Variants in IPMK observed in about 807,000 individuals in gnomAD.
IPMK encodes inositol 1,3,4,6-tetrakisphosphate 5-kinase.
Under a neutral mutation model 45.8 loss-of-function variants are expected in IPMK, and 17 were observed. That is an observed-to-expected ratio of 0.37 (90% CI 0.25 to 0.56). The LOEUF (loss-of-function observed/expected upper bound fraction) is 0.56, where lower values mean the gene tolerates loss of function less well. IPMK is among the 20% of genes least tolerant of loss of function. The pLI is 0.79. For synonymous variants in IPMK, 180 were observed against 184.3 expected (o/e 0.98, Z 0.19); for missense variants, 399 against 498.0 (o/e 0.80, Z 1.89).
intron 1 of IPMK, among the ~76,000 whole-genome samples, chr10:58,242,377 G>A (rs911554914): frequency 2.3e-4 from 34 of 150,954 alleles, no homozygotes; most frequent in African/African-American, 7.1e-4. Flanking sequence ...GGAGAATGGC[G>A]TGAACCCAGG....
intron 4 of IPMK, among the ~76,000 whole-genome samples, chr10:58,215,401 A>AG (rs1295825106): frequency 2.0e-5 from 2 of 98,682 alleles, no homozygotes; most frequent in African/African-American, 1.2e-4. Flanking sequence ...TTTTTTTGGT[A>AG]GGGGGGTGGC....
rs1837858775 is a variant in IPMK, at chr10:58,194,198, A to G, written c.*1878T>C. On this transcript the variant is annotated 3_prime_UTR_variant, in exon 6 of 6. Coordinates refer to ENST00000373935, the MANE Select transcript of IPMK (RefSeq NM_152230.5). Reference sequence around the variant, plus strand: ...GGTTGATATCATCCCATACAAAAAAAGCCTCAGTATCTTGTTAAGATTCAA... The same window carrying G: ...GGTTGATATCATCCCATACAAAAAAGGCCTCAGTATCTTGTTAAGATTCAA... 6.6e-6 allele frequency: 1 copy of G among 151,882 alleles called. No homozygotes were observed. The highest frequency in any genetic ancestry group is 2.4e-5 in the African/African-American group (1 of 41,440). 9.4% of individuals were successfully genotyped at this position (151,882 alleles called of 1,614,324 possible).
chr10:58,250,378 G>T (rs1336464857), intron 1 of IPMK, among the ~76,000 whole-genome samples: 1 of 152,026 alleles, frequency 6.6e-6, no homozygotes, highest in Non-Finnish European at 1.5e-5. Flanking sequence ...TTATTGTAAA[G>T]ATATTTCACT....
intron 1 of IPMK, among the ~76,000 whole-genome samples, chr10:58,260,826 G>A (rs1241021170): frequency 6.6e-6 from 1 of 152,074 alleles, no homozygotes; most frequent in African/African-American, 2.4e-5. Flanking sequence ...ACTCAATATT[G>A]CAAATAAATC....
chr10:58,248,587 A>C (rs1190990081), intron 1 of IPMK, among the ~76,000 whole-genome samples: 1 of 152,134 alleles, frequency 6.6e-6, no homozygotes, highest in Non-Finnish European at 1.5e-5. Flanking sequence ...GCTATTTTGA[A>C]ATATACATTT....
At position 58,240,851 on chromosome 10, in the gene IPMK, C is replaced by T. The variant is rs73297008; in HGVS notation, c.191-3037G>A. On this transcript the variant is annotated intron_variant, in intron 1 of 5. Coordinates refer to ENST00000373935, the MANE Select transcript of IPMK (RefSeq NM_152230.5). ...ACACTTGCAGCATTTTCTTCCAGGC[C>T]GTCAAGAAAAAGACTGGAGAGAGGC... Among the ~76,000 whole-genome samples, 570 of 151,990 alleles carry T rather than the reference C, an allele frequency of 3.8e-3. 1 individual carries two copies. Among genetic ancestry groups the T allele is most frequent in the African/African-American group, 0.013 (526 of 41,440 alleles).
Position 58,243,886 on chromosome 10 carries a change from C to T in IPMK, c.191-6072G>A, listed in dbSNP as rs948914659. On this transcript the variant is annotated intron_variant, in intron 1 of 5. Coordinates refer to ENST00000373935, the MANE Select transcript of IPMK (RefSeq NM_152230.5). ...GCCGCCCCATCTGGGAAGTGAGGAG[C>T]GCCTCTGCCCGGCCACCACCCCGTC... Among the ~76,000 whole-genome samples, 138 of 150,344 alleles carry T rather than the reference C, an allele frequency of 9.2e-4. 1 individual carries two copies. Among genetic ancestry groups the T allele is most frequent in the Middle Eastern group, 3.5e-3 (1 of 284 alleles).
intron 1 of IPMK, among the ~76,000 whole-genome samples, chr10:58,262,068 G>A (rs1285891029): frequency 6.6e-6 from 1 of 151,982 alleles, no homozygotes; most frequent in Admixed American, 6.6e-5. Context: ...ACAGGGCAGG[G>A]AACATCACAC....
intron 1 of IPMK, among the ~76,000 whole-genome samples, chr10:58,260,628 G>C (rs2132267437): frequency 6.6e-6 from 1 of 151,992 alleles, no homozygotes; most frequent in Non-Finnish European, 1.5e-5. Context: ...GTACTATTCT[G>C]GCATATTTTT....
intron 1 of IPMK, among the ~76,000 whole-genome samples, chr10:58,244,386 G>A (rs377747969): frequency 9.7e-5 from 10 of 102,584 alleles, no homozygotes; most frequent in African/African-American, 3.7e-4. Context: ...GCCTCTGCCC[G>A]GCCGCTCCTC....
chr10:58,262,301 G>A (rs1272004338), intron 1 of IPMK, among the ~76,000 whole-genome samples: 1 of 152,184 alleles, frequency 6.6e-6, no homozygotes, highest in Non-Finnish European at 1.5e-5. Context: ...TTCTGAAGTA[G>A]TATGGGTGTA....
intron 1 of IPMK, among the ~76,000 whole-genome samples, chr10:58,254,424 C>T (rs1274558291): frequency 1.3e-5 from 2 of 151,884 alleles, no homozygotes; most frequent in Admixed American, 6.6e-5. Flanking sequence ...CTTCTTATTT[C>T]GTTTCTGGAG....
At chr10:58,258,291 G>A (rs776627635) in intron 1 of IPMK, among the ~76,000 whole-genome samples, 21 of 149,800 alleles carry the variant, frequency 1.4e-4, no homozygotes, top group African/African-American at 5.0e-4. Context: ...GCCTGGCGAC[G>A]GAGCGAGATT....
At chr10:58,199,899 A>G (rs977536547) in intron 4 of IPMK, among the ~76,000 whole-genome samples, 1 of 152,192 alleles carries the variant, frequency 6.6e-6, no homozygotes, top group Non-Finnish European at 1.5e-5. Flanking sequence ...CTAAACACAA[A>G]TAACTCATTA....
At chr10:58,242,808 T>G (rs1030921826) in intron 1 of IPMK, among the ~76,000 whole-genome samples, 5 of 152,200 alleles carry the variant, frequency 3.3e-5, no homozygotes, top group Admixed American at 1.3e-4. Flanking sequence ...TGAATTGTAA[T>G]CCCCTGTGTT....
At chr10:58,242,930 TC>T (rs1217570455) in intron 1 of IPMK, among the ~76,000 whole-genome samples, 3 of 151,930 alleles carry the variant, frequency 2.0e-5, no homozygotes, top group African/African-American at 7.3e-5. Context: ...GTGTAGCACT[TC>T]CCCCTTCTCT....
chr10:58,196,849 G>T, intron 5 of IPMK, 151 bp from the exon 6 acceptor site: 1 of 619,558 alleles, frequency 1.6e-6, no homozygotes, highest in Non-Finnish European at 2.7e-6. Context: ...ATTCTAGTCA[G>T]ATATAGAAGT....
chr10:58,192,056 A>G lies in IPMK; in HGVS notation c.*4020T>C, dbSNP rs1159703712. ...AGCCTATAGTGACTTGTTTACTTGC[A>G]TAAATAATATTTTCACTTAGTACAG... On this transcript the variant is annotated 3_prime_UTR_variant, in exon 6 of 6. Transcript: ENST00000373935. The G allele has an allele frequency of 6.6e-6, 1 of 152,126 alleles. No individual in the cohort carries two copies. Among genetic ancestry groups the G allele is most frequent in the East Asian group, 1.9e-4 (1 of 5,202 alleles). 9.4% of individuals were successfully genotyped at this position (152,126 alleles called of 1,614,324 possible).
Position 58,196,369 on chromosome 10 carries a change from G to A in IPMK, c.958C>T (p.Arg320Cys), listed in dbSNP as rs759410890. 1.5e-5 allele frequency: 24 copies of A among 1,613,796 alleles called. No homozygotes were observed. Among genetic ancestry groups the A allele is most frequent in the East Asian group, 2.2e-5 (1 of 44,870 alleles). ...TTTTTTGTATATATTTTCCTGTGACGCGCATACATCTTGGACAAGCTTTTG... is the reference window on the plus strand; with the variant it reads ...TTTTTTGTATATATTTTCCTGTGACACGCATACATCTTGGACAAGCTTTTG... ...VGKSLSKMYA[R>C]HRKIYTKKHH... is the part of the protein sequence containing the mutation. Residue 320 changes from arginine (R) to cysteine (C), a missense_variant, in exon 6 of 6, where the codon CGT becomes TGT. Physicochemically the swap from Arg to Cys is radical, Grantham distance 180. Around this residue, in one of 2 missense-constraint regions of IPMK, gnomAD observed 288 missense variants for 398.0 expected, o/e 0.72. Transcript: ENST00000373935.
Sources: allele counts gnomAD v4.1 joint callset (sites outside exome capture counted in the v4.1 genomes callset), GRCh38; gene constraint gnomAD v4.1.1; regional missense constraint gnomAD v4.1.1; transcripts MANE v1.5; gene names NCBI Gene and HGNC (gene_info 2026-07-23, HGNC 2026-07-21).